The following DNAH11 variants were observed in gnomAD, a reference collection of about 807,000 sequenced individuals.
The protein encoded by DNAH11 is axonemal beta dynein heavy chain 11.
DNAH11 carries 442 observed loss-of-function variants against 526.0 expected under a neutral mutation model. The observed-to-expected ratio is 0.84, with a 90% confidence interval of 0.78 to 0.91. DNAH11 has a LOEUF of 0.91. Ranked by LOEUF, DNAH11 falls within the 40% of genes least tolerant of loss-of-function variation. The pLI, the probability that DNAH11 is intolerant of heterozygous loss-of-function variation, is 0.00. For missense variants in DNAH11, 6,989 were observed against 5,448.7 expected, an observed-to-expected ratio of 1.28 and a Z score of -8.90; for synonymous variants, 2,461 against 1,935.9, an observed-to-expected ratio of 1.27 and a Z score of -7.12.
chr7:21,698,354 G>C (rs1783936720), intron 36 of DNAH11, 141 bp downstream of exon 36: 1 of 1,220,560 alleles, frequency 8.2e-7, no homozygotes, highest in Non-Finnish European at 1.1e-6. Context: ...ATAGTTTGGG[G>C]GAACAGGTGT....
chr7:21,691,706 T>G (rs539304519), intron 35 of DNAH11, among the ~76,000 whole-genome samples: 35 of 152,360 alleles, frequency 2.3e-4, no homozygotes, highest in African/African-American at 8.2e-4. Context: ...TTTAATATTT[T>G]GACATATTTT....
At chr7:21,727,294 AAAT>A (rs900626973) in intron 45 of DNAH11, among the ~76,000 whole-genome samples, 4 of 152,164 alleles carry the variant, frequency 2.6e-5, no homozygotes, top group African/African-American at 4.8e-5. Context: ...AAATGTAAAG[AAAT>A]AATAATTTTT....
At chr7:21,560,081 T>A (rs1347053606) in intron 4 of DNAH11, among the ~76,000 whole-genome samples, 1 of 152,150 alleles carries the variant, frequency 6.6e-6, no homozygotes, top group Admixed American at 6.5e-5. Context: ...ATTTAATTAG[T>A]CAACTTAATT....
intron 76 of DNAH11, among the ~76,000 whole-genome samples, chr7:21,890,891 G>A (rs1784303436): frequency 1.3e-5 from 2 of 152,114 alleles, no homozygotes; most frequent in Non-Finnish European, 2.9e-5. Context: ...TGAAGGATTA[G>A]ATAACTTGAA....
intron 20 of DNAH11, among the ~76,000 whole-genome samples, chr7:21,612,533 C>T (rs35758178): frequency 8.2e-5 from 11 of 133,648 alleles, no homozygotes; most frequent in African/African-American, 8.9e-5. Context: ...CCAGCCTGGG[C>T]GACAGAGTGA....
At chr7:21,683,020 C>T (rs929295340) in intron 31 of DNAH11, among the ~76,000 whole-genome samples, 1 of 151,968 alleles carries the variant, frequency 6.6e-6, no homozygotes. Context: ...ATATTTTATT[C>T]TATTTTATAA....
Position 21,610,247 on chromosome 7 carries a change from C to G in DNAH11, c.3852+3514C>G, listed in dbSNP as rs961276495. 5.3e-5 allele frequency among the ~76,000 whole-genome samples: 8 copies of G among 152,158 alleles called. No individual in the cohort carries two copies. The East Asian group carries it at 7.7e-4, about 15-fold the overall frequency. On this transcript the variant is annotated intron_variant, in intron 20 of 81. Transcript: ENST00000409508. ...CCAGCCTGGGCGACAGTGCGAGACT[C>G]CATCTCAAAAAAACAAAAACAAAAC...
At position 21,852,362 on chromosome 7, in the gene DNAH11, A is replaced by G; in HGVS notation, c.10897-105A>G. The G allele has an allele frequency of 3.3e-6, 4 of 1,218,724 alleles. No homozygotes were observed. The Admixed American group carries it at 7.8e-5, about 24-fold the overall frequency. 75.5% of individuals were successfully genotyped at this position (1,218,724 alleles called of 1,614,324 possible). On this transcript the variant is annotated intron_variant, in intron 66 of 81. Transcript: ENST00000409508. ...GCACACGTCGCAGTGAGCCAAGATC[A>G]TACCACTGTACTCCAGCCTGGGCGA... is the stretch of plus-strand genomic sequence containing the variant.
chr7:21,827,232 C>T (rs1260175677), intron 65 of DNAH11, among the ~76,000 whole-genome samples: 8 of 152,170 alleles, frequency 5.3e-5, no homozygotes, highest in Admixed American at 5.2e-4. Flanking sequence ...CACCAAGCTC[C>T]AGACAATCCT....
chr7:21,694,231 T>C (rs1220756681), intron 35 of DNAH11, among the ~76,000 whole-genome samples: 1 of 152,240 alleles, frequency 6.6e-6, no homozygotes, highest in Non-Finnish European at 1.5e-5. Flanking sequence ...GTGCAGAATG[T>C]GCAGGTTTGT....
intron 29 of DNAH11, among the ~76,000 whole-genome samples, chr7:21,657,407 A>G (rs1782060323): frequency 6.6e-6 from 1 of 152,164 alleles, no homozygotes; most frequent in Non-Finnish European, 1.5e-5. Context: ...AAGTGCCAAA[A>G]AGGGAAGGAT....
chr7:21,823,005 A>G (rs1159999378), intron 65 of DNAH11, among the ~76,000 whole-genome samples: 1 of 53,662 alleles, frequency 1.9e-5, no homozygotes, highest in Admixed American at 2.5e-4. Context: ...TGAGTTCCTT[A>G]TATATTCTAG....
chr7:21,852,262 C>G (rs1782668549), intron 66 of DNAH11, among the ~76,000 whole-genome samples: 1 of 151,898 alleles, frequency 6.6e-6, no homozygotes, highest in African/African-American at 2.4e-5. Flanking sequence ...AAAAAAATAG[C>G]TGGATGTGGT....
intron 6 of DNAH11, among the ~76,000 whole-genome samples, chr7:21,566,195 G>T (rs563924347): frequency 6.6e-6 from 1 of 152,116 alleles, no homozygotes; most frequent in African/African-American, 2.4e-5. Flanking sequence ...CTAGTTACCC[G>T]TAAGCCTGTA....
chr7:21,773,501 A>G (rs555630098), intron 55 of DNAH11, among the ~76,000 whole-genome samples: 3 of 152,160 alleles, frequency 2.0e-5, no homozygotes, highest in African/African-American at 4.8e-5. Flanking sequence ...GAAGATCTGT[A>G]TATGCTGGCT....
intron 56 of DNAH11, among the ~76,000 whole-genome samples, chr7:21,776,962 GTA>G (rs1491034762): frequency 1.8e-4 from 26 of 140,870 alleles, no homozygotes; most frequent in Admixed American, 1.7e-3. Flanking sequence ...GTGTGTGTGT[GTA>G]TGTTTTATGC....
intron 20 of DNAH11, among the ~76,000 whole-genome samples, chr7:21,609,378 C>G (rs1034090378): frequency 6.6e-6 from 1 of 152,080 alleles, no homozygotes; most frequent in Non-Finnish European, 1.5e-5. Context: ...CACCACCACA[C>G]CTGGCTAATT....
At chr7:21,802,772 GA>G (rs1789051969) in intron 62 of DNAH11, among the ~76,000 whole-genome samples, 1 of 151,916 alleles carries the variant, frequency 6.6e-6, no homozygotes. Context: ...GCCTGTGTAT[GA>G]AATGTCCAGA....
intron 54 of DNAH11, among the ~76,000 whole-genome samples, chr7:21,754,090 G>A (rs566297326): frequency 5.9e-5 from 9 of 152,246 alleles, no homozygotes; most frequent in Admixed American, 3.9e-4. Context: ...TGTCTCTCCT[G>A]TTATTCTGTT....
Sources: allele counts gnomAD v4.1 joint callset (sites outside exome capture counted in the v4.1 genomes callset), GRCh38; gene constraint gnomAD v4.1.1; transcripts MANE v1.5; gene names NCBI Gene and HGNC (gene_info 2026-07-23, HGNC 2026-07-21).